The following PTPRN2 variants were observed in gnomAD, a reference collection of about 807,000 sequenced individuals.
PTPRN2 encodes receptor-type tyrosine-protein phosphatase N2.
Under a neutral mutation model 118.8 loss-of-function variants are expected in PTPRN2, and 74 were observed. That is an observed-to-expected ratio of 0.62 (90% CI 0.52 to 0.76). The LOEUF (loss-of-function observed/expected upper bound fraction) is 0.76. Ranked by LOEUF, PTPRN2 falls within the 30% of genes least tolerant of loss-of-function variation. PTPRN2 has a pLI of 0.00. For synonymous variants in PTPRN2, 641 were observed against 608.0 expected (o/e 1.05, Z -0.80); for missense variants, 1,481 against 1,394.4 (o/e 1.06, Z -0.99).
At position 157,676,090 on chromosome 7, in the gene PTPRN2, C is replaced by T. The variant is rs552677351; in HGVS notation, c.2001+6635G>A. On this transcript the variant is annotated intron_variant, in intron 13 of 22. Transcript: ENST00000389418. This position sits in a 1 kb window ranked among gnomAD's most constrained non-coding sequence, Gnocchi z 5.6. ...CAGACTGCAGGGTTTGTCCTTGTCA[C>T]GAACTCAAAGAGCTGACCTCTCTGG... Among the ~76,000 whole-genome samples, 15 of 152,192 alleles carry T rather than the reference C, an allele frequency of 9.9e-5. No individual in the cohort carries two copies. In the East Asian group the frequency reaches 2.5e-3, roughly 25 times the overall value.
intron 1 of PTPRN2, among the ~76,000 whole-genome samples, chr7:158,501,837 G>A (rs1425073719): frequency 6.6e-6 from 1 of 152,144 alleles, no homozygotes; most frequent in Non-Finnish European, 1.5e-5. Flanking sequence ...TAGTGTCATA[G>A]AGTCAAGTTC....
At chr7:157,564,954 A>G (rs1248390454) in intron 21 of PTPRN2, among the ~76,000 whole-genome samples, 3 of 152,270 alleles carry the variant, frequency 2.0e-5, no homozygotes, top group Non-Finnish European at 1.5e-5. Flanking sequence ...CATCCATGCC[A>G]TGGAATATGA....
At chr7:158,292,180 A>G (rs1800166669) in intron 3 of PTPRN2, among the ~76,000 whole-genome samples, 1 of 152,128 alleles carries the variant, frequency 6.6e-6, no homozygotes, top group African/African-American at 2.4e-5. Context: ...TCCAGTTCCG[A>G]TAGGTCTCAA....
At chr7:158,086,639 G>T (rs1428650116) in intron 10 of PTPRN2, among the ~76,000 whole-genome samples, 1 of 152,176 alleles carries the variant, frequency 6.6e-6, no homozygotes, top group East Asian at 1.9e-4. Context: ...GCACTCAATA[G>T]ACCATAAAGA....
chr7:158,445,503 C>T (rs922618625), intron 2 of PTPRN2, among the ~76,000 whole-genome samples: 1 of 152,208 alleles, frequency 6.6e-6, no homozygotes, highest in African/African-American at 2.4e-5. Context: ...GGACCAGTGA[C>T]CCCGCGGCCT....
rs192816791 is a variant in PTPRN2, at chr7:158,278,538, A to T, written c.277+38281T>A. On this transcript the variant is annotated intron_variant, in intron 3 of 22. Transcript: ENST00000389418. ...CAACAAACTGAAATTCTCTCTCGAA[A>T]CCAACAATCAATACAAACCAATAAG... Among the ~76,000 whole-genome samples the T allele has an allele frequency of 5.3e-5, 8 of 152,314 alleles. No individual in the cohort carries two copies. In the East Asian group the frequency reaches 1.5e-3, roughly 29 times the overall value.
intron 21 of PTPRN2, among the ~76,000 whole-genome samples, chr7:157,558,940 C>T (rs566370857): frequency 2.9e-4 from 44 of 152,342 alleles, no homozygotes; most frequent in African/African-American, 9.4e-4. Context: ...GGCTCATGGT[C>T]AAGGACACTT....
chr7:158,432,604 GCAAA>G (rs1816302918), intron 2 of PTPRN2, among the ~76,000 whole-genome samples: 4 of 152,198 alleles, frequency 2.6e-5, no homozygotes, highest in Non-Finnish European at 5.9e-5. Flanking sequence ...AAAGTATTAT[GCAAA>G]CAAACAACAG....
intron 2 of PTPRN2, among the ~76,000 whole-genome samples, chr7:158,449,921 A>G (rs1023523241): frequency 6.6e-6 from 1 of 152,240 alleles, no homozygotes; most frequent in African/African-American, 2.4e-5. Context: ...AGACGAATCC[A>G]AGGTGGCCAC....
chr7:158,053,226 C>G (rs565437787), intron 11 of PTPRN2, among the ~76,000 whole-genome samples: 1 of 152,296 alleles, frequency 6.6e-6, no homozygotes, highest in South Asian at 2.1e-4. Flanking sequence ...GTTGGGCCAT[C>G]TGCAGCTGGG....
At chr7:158,318,355 T>C (rs1586235083) in intron 2 of PTPRN2, among the ~76,000 whole-genome samples, 1 of 152,256 alleles carries the variant, frequency 6.6e-6, no homozygotes, top group East Asian at 1.9e-4. Flanking sequence ...AATGAAAATA[T>C]CTTGAAAATA....
rs555279844 is a variant in PTPRN2, at chr7:158,142,783, C to T, written c.911-4268G>A. 7.0e-4 allele frequency among the ~76,000 whole-genome samples: 107 copies of T among 152,360 alleles called. 1 individual carries two copies. The highest frequency in any genetic ancestry group is 1.2e-3 in the South Asian group (6 of 4,826). ...AAACCGCAGCAAAGCCTGCCTTCAC[C>T]GCTACTCCTGTCTGCAGGTGACAAA... is the stretch of plus-strand genomic sequence containing the variant. On this transcript the variant is annotated intron_variant, in intron 6 of 22. Transcript: ENST00000389418.
chr7:158,096,381 C>T (rs1814627016), intron 10 of PTPRN2, among the ~76,000 whole-genome samples: 1 of 152,204 alleles, frequency 6.6e-6, no homozygotes, highest in African/African-American at 2.4e-5. Context: ...TGCTCTCCTC[C>T]TAAATGGTCA....
At chr7:158,056,412 C>T (rs548448876) in intron 11 of PTPRN2, among the ~76,000 whole-genome samples, 2 of 152,380 alleles carry the variant, frequency 1.3e-5, no homozygotes, top group Non-Finnish European at 2.9e-5. Flanking sequence ...TCTCTCCGTC[C>T]TCCCATGAGC....
At chr7:157,714,004 C>T (rs1397593493) in intron 12 of PTPRN2, among the ~76,000 whole-genome samples, 1 of 152,196 alleles carries the variant, frequency 6.6e-6, no homozygotes, top group Admixed American at 6.5e-5. Context: ...GTGATTATGT[C>T]TTAAAAGAAT....
At chr7:158,512,091 C>T (rs1240998488) in intron 1 of PTPRN2, among the ~76,000 whole-genome samples, 1 of 152,150 alleles carries the variant, frequency 6.6e-6, no homozygotes, top group Non-Finnish European at 1.5e-5. Flanking sequence ...GAATGCCATG[C>T]AGACGGTGAT....
intron 2 of PTPRN2, among the ~76,000 whole-genome samples, chr7:158,405,518 C>A (rs1312963089): frequency 1.3e-5 from 2 of 152,238 alleles, no homozygotes; most frequent in Admixed American, 6.5e-5. Flanking sequence ...CTCCTCCACA[C>A]TGGAAGGGAA....
At position 158,398,593 on chromosome 7, in the gene PTPRN2, T is replaced by C. The variant is rs562078620; in HGVS notation, c.164-81661A>G. Among the ~76,000 whole-genome samples, 5 of 152,372 alleles carry C rather than the reference T, an allele frequency of 3.3e-5. No individual in the cohort carries two copies. The South Asian group carries it at 6.2e-4, about 19-fold the overall frequency. Reference sequence around the variant, plus strand: ...TATTTTTAAACATCATGCTTGCACATAGTTTGAAAAATCTAAGTCTGGTTG... The same window carrying C: ...TATTTTTAAACATCATGCTTGCACACAGTTTGAAAAATCTAAGTCTGGTTG... On this transcript the variant is annotated intron_variant, in intron 2 of 22. Transcript: ENST00000389418.
chr7:157,925,764 G>C (rs1399027722), intron 11 of PTPRN2, among the ~76,000 whole-genome samples: 1 of 147,788 alleles, frequency 6.8e-6, no homozygotes, highest in Non-Finnish European at 1.5e-5. Context: ...GTCAGTCCTA[G>C]AGACGCGTCA....
Sources: gnomAD v4.1 joint callset for allele counts (sites outside exome capture counted in the v4.1 genomes callset) on GRCh38, gnomAD v4.1.1 for gene constraint, Gnocchi (gnomAD v3.1) non-coding constraint, MANE v1.5 for transcripts, NCBI Gene and HGNC (gene_info 2026-07-23, HGNC 2026-07-21) for gene names.